KIAA0825: variants seen among roughly 807,000 people sequenced by gnomAD.
KIAA0825 encodes uncharacterized protein KIAA0825.
In KIAA0825, 119 loss-of-function variants were observed where a neutral mutation model predicts 147.6. That is an observed-to-expected ratio of 0.81 (90% CI 0.69 to 0.94). The LOEUF (loss-of-function observed/expected upper bound fraction) is 0.94. KIAA0825 is among the 40% of genes least tolerant of loss of function. The pLI, the probability that KIAA0825 is intolerant of heterozygous loss-of-function variation, is 0.00. For missense variants in KIAA0825, 1,381 were observed against 1,472.7 expected (o/e 0.94, Z 1.02); for synonymous variants, 470 against 518.1 (o/e 0.91, Z 1.26).
chr5:94,518,140 T>C (rs978612902), intron 5 of KIAA0825, among the ~76,000 whole-genome samples: 8 of 152,138 alleles, frequency 5.3e-5, no homozygotes, highest in Non-Finnish European at 1.2e-4. Flanking sequence ...GATACAGACA[T>C]AGATTAAAGA....
intron 13 of KIAA0825, among the ~76,000 whole-genome samples, chr5:94,444,023 T>C (rs1160922878): frequency 6.6e-6 from 1 of 152,188 alleles, no homozygotes; most frequent in African/African-American, 2.4e-5. Flanking sequence ...TTGATACTTA[T>C]TTTTAACCAA....
chr5:94,593,118 G>A, intron 1 of KIAA0825: 4 of 742,168 alleles, frequency 5.4e-6, no homozygotes, highest in Non-Finnish European at 1.0e-5. Flanking sequence ...GCAATACCCT[G>A]GTGAATGTGT....
intron 20 of KIAA0825, among the ~76,000 whole-genome samples, chr5:94,161,748 T>C (rs1767606932): frequency 6.6e-6 from 1 of 152,204 alleles, no homozygotes; most frequent in African/African-American, 2.4e-5. Context: ...CTTTTTCAAA[T>C]AGAAAAGAGA....
intron 20 of KIAA0825, among the ~76,000 whole-genome samples, chr5:94,346,061 G>A (rs566839516): frequency 2.8e-4 from 43 of 152,158 alleles, no homozygotes; most frequent in Non-Finnish European, 5.1e-4. Context: ...ACCAGGCCCA[G>A]GGTGTGGCAC....
intron 20 of KIAA0825, among the ~76,000 whole-genome samples, chr5:94,210,923 C>T (rs536780992): frequency 6.6e-6 from 1 of 152,256 alleles, no homozygotes; most frequent in East Asian, 1.9e-4. Context: ...GAATGCCTGA[C>T]ACTTTAATTA....
chr5:94,169,565 GAA>G (rs57781961), intron 20 of KIAA0825, among the ~76,000 whole-genome samples: 23 of 86,658 alleles, frequency 2.7e-4, no homozygotes, highest in African/African-American at 6.3e-4. Flanking sequence ...CTGGGTGACA[GAA>G]AAAAAAAAAA....
At chr5:94,170,900 A>G (rs1768551339) in intron 20 of KIAA0825, among the ~76,000 whole-genome samples, 1 of 152,212 alleles carries the variant, frequency 6.6e-6, no homozygotes, top group Admixed American at 6.5e-5. Flanking sequence ...CACATCATTC[A>G]TGGAATATGA....
chr5:94,341,844 G>C (rs1286384343), intron 20 of KIAA0825, among the ~76,000 whole-genome samples: 1 of 152,052 alleles, frequency 6.6e-6, no homozygotes. Flanking sequence ...GCATTTGAGT[G>C]ATCAAAAATA....
chr5:94,457,849 T>C (rs908580283), intron 12 of KIAA0825, among the ~76,000 whole-genome samples: 2 of 152,274 alleles, frequency 1.3e-5, no homozygotes, highest in South Asian at 4.1e-4. Flanking sequence ...GGAATAAACC[T>C]CCATGACTAA....
chr5:94,529,295 TCA>T (rs1416228092), intron 3 of KIAA0825, among the ~76,000 whole-genome samples: 1 of 139,404 alleles, frequency 7.2e-6, no homozygotes, highest in Non-Finnish European at 1.5e-5. Flanking sequence ...TATGTATATA[TCA>T]TATATATGTA....
At chr5:94,545,471 G>A (rs986357206) in intron 2 of KIAA0825, among the ~76,000 whole-genome samples, 1 of 152,142 alleles carries the variant, frequency 6.6e-6, no homozygotes, top group African/African-American at 2.4e-5. Flanking sequence ...CTTAAGGAGA[G>A]GAGAGTGAAG....
chr5:94,604,088 T>C (rs1481983263), intron 1 of KIAA0825, among the ~76,000 whole-genome samples: 1 of 152,210 alleles, frequency 6.6e-6, no homozygotes, highest in African/African-American at 2.4e-5. Context: ...CTGATAGATA[T>C]CTACAGAACT....
intron 11 of KIAA0825, among the ~76,000 whole-genome samples, chr5:94,464,064 CAAAAAAAA>C (rs11364703): frequency 1.1e-5 from 1 of 90,284 alleles, no homozygotes; most frequent in Non-Finnish European, 2.2e-5. Flanking sequence ...TTCCTCCTGC[CAAAAAAAA>C]AAAAAAAAAA....
rs1251513444 is a variant in KIAA0825 at position 94,473,463 on chromosome 5, C to CA, written c.1283dup (p.Met428IlefsTer10). The CA allele has an allele frequency of 6.4e-7, 1 of 1,551,622 alleles. No homozygotes were observed. The highest frequency in any genetic ancestry group is 1.4e-5 in the African/African-American group (1 of 73,014). ...CAATTGCAGTTACTACGCAGTGCGC[C>CA]ATGGGAAGAGACACTTCTTTAAATG... On this transcript the variant is annotated frameshift_variant, in exon 8 of 21. Transcript: ENST00000682413. LOFTEE classifies it high-confidence loss of function.
At chr5:94,429,822 C>T (rs1331560291) in intron 14 of KIAA0825, among the ~76,000 whole-genome samples, 1 of 152,154 alleles carries the variant, frequency 6.6e-6, no homozygotes, top group East Asian at 1.9e-4. Context: ...TGGGAAACCA[C>T]CTCGGGTCCA....
chr5:94,452,610 A>C (rs1477982347), intron 13 of KIAA0825, among the ~76,000 whole-genome samples: 1 of 152,206 alleles, frequency 6.6e-6, no homozygotes, highest in East Asian at 1.9e-4. Context: ...CTTCTACCTA[A>C]GGCTCTGAGT....
At chr5:94,424,755 C>G (rs772257901) in intron 14 of KIAA0825, among the ~76,000 whole-genome samples, 3 of 151,388 alleles carry the variant, frequency 2.0e-5, no homozygotes, top group Non-Finnish European at 4.4e-5. Flanking sequence ...CATAATAAAC[C>G]AAGAAAGAGA....
intron 13 of KIAA0825, among the ~76,000 whole-genome samples, chr5:94,441,390 G>A (rs1378741761): frequency 6.6e-6 from 1 of 152,150 alleles, no homozygotes; most frequent in Non-Finnish European, 1.5e-5. Flanking sequence ...CAGGCAGTAG[G>A]GTTAGGACCA....
intron 20 of KIAA0825, among the ~76,000 whole-genome samples, chr5:94,298,921 T>C (rs1031639127): frequency 1.3e-5 from 2 of 152,134 alleles, no homozygotes; most frequent in African/African-American, 2.4e-5. Context: ...AAGCTTTCCT[T>C]TTTTATCAGC....
Sources: gnomAD v4.1 joint callset for allele counts (sites outside exome capture counted in the v4.1 genomes callset) on GRCh38, gnomAD v4.1.1 for gene constraint, MANE v1.5 for transcripts, NCBI Gene and HGNC (gene_info 2026-07-23, HGNC 2026-07-21) for gene names.